The following MDGA2 variants were observed in gnomAD, a reference collection of about 807,000 sequenced individuals.
The protein encoded by MDGA2 is MAM domain containing glycosylphosphatidylinositol anchor 2.
A neutral mutation model predicts 117.8 loss-of-function variants in MDGA2; 40 were observed. The observed-to-expected ratio is 0.34, with a 90% CI of 0.26 to 0.44. MDGA2 has a LOEUF of 0.44. Ranked by LOEUF, MDGA2 falls within the 20% of genes least tolerant of loss-of-function variation. The probability of loss-of-function intolerance (pLI) is 1.00; values close to 1 mark genes in which losing one functional copy is unlikely to be tolerated. For synonymous variants in MDGA2, 452 were observed against 439.0 expected (o/e 1.03, Z -0.37); for missense variants, 1,123 against 1,250.6 (o/e 0.90, Z 1.54).
intron 6 of MDGA2, among the ~76,000 whole-genome samples, chr14:47,083,366 A>G (rs1169539677): frequency 6.6e-6 from 1 of 151,958 alleles, no homozygotes; most frequent in Non-Finnish European, 1.5e-5. Context: ...AAGCTATATA[A>G]AAACATACAC....
intron 1 of MDGA2, among the ~76,000 whole-genome samples, chr14:47,485,660 G>A (rs1894045365): frequency 6.6e-6 from 1 of 152,142 alleles, no homozygotes; most frequent in South Asian, 2.1e-4. Flanking sequence ...GGTTTCTTGG[G>A]CTGGGCTCAG....
At chr14:47,431,917 A>T (rs920785084) in intron 1 of MDGA2, among the ~76,000 whole-genome samples, 9 of 152,032 alleles carry the variant, frequency 5.9e-5, no homozygotes, top group Non-Finnish European at 1.3e-4. Flanking sequence ...GACTACAAGC[A>T]CTCTTTATTT....
intron 8 of MDGA2, among the ~76,000 whole-genome samples, chr14:46,994,501 A>C (rs540993925): frequency 2.5e-4 from 24 of 97,676 alleles, no homozygotes; most frequent in African/African-American, 8.5e-4. Context: ...AAAGGCAAAC[A>C]TGCACACATA....
chr14:46,902,386 C>T (rs546208869), intron 10 of MDGA2, among the ~76,000 whole-genome samples: 3 of 152,280 alleles, frequency 2.0e-5, no homozygotes, highest in Non-Finnish European at 4.4e-5. Context: ...TGTTCCCTCC[C>T]TCCCTCACTA....
intron 3 of MDGA2, among the ~76,000 whole-genome samples, chr14:47,193,944 C>T (rs1885200010): frequency 1.3e-5 from 2 of 152,116 alleles, no homozygotes; most frequent in Non-Finnish European, 2.9e-5. Flanking sequence ...GTCAGACTTA[C>T]CTCTTTAGCT....
At chr14:46,920,447 G>C (rs868844532) in intron 9 of MDGA2, among the ~76,000 whole-genome samples, 2 of 152,284 alleles carry the variant, frequency 1.3e-5, no homozygotes, top group African/African-American at 4.8e-5. Flanking sequence ...TCTGGAGAAA[G>C]AAGATCAAAG....
chr14:47,355,628 C>T (rs1262331607), intron 1 of MDGA2, among the ~76,000 whole-genome samples: 4 of 152,018 alleles, frequency 2.6e-5, no homozygotes, highest in Non-Finnish European at 5.9e-5. Flanking sequence ...TGCTCCCAAT[C>T]CTAGAGAGCC....
intron 1 of MDGA2, among the ~76,000 whole-genome samples, chr14:47,568,931 T>A (rs1255393849): frequency 6.6e-6 from 1 of 151,834 alleles, no homozygotes; most frequent in Non-Finnish European, 1.5e-5. Flanking sequence ...CCTCACATCT[T>A]ACTAAAACAT....
intron 1 of MDGA2, among the ~76,000 whole-genome samples, chr14:47,396,611 G>A (rs150944492): frequency 0.01 from 1,580 of 152,200 alleles, 17 homozygotes; most frequent in Non-Finnish European, 0.018. Flanking sequence ...TTAATATCCA[G>A]AATCTACAAA....
At chr14:47,070,033 T>C (rs1316343889) in intron 6 of MDGA2, among the ~76,000 whole-genome samples, 1 of 151,952 alleles carries the variant, frequency 6.6e-6, no homozygotes, top group Non-Finnish European at 1.5e-5. Flanking sequence ...GGGGTGGGGT[T>C]ATCCATCCCT....
At chr14:47,622,894 G>A (rs1897075700) in intron 1 of MDGA2, among the ~76,000 whole-genome samples, 1 of 152,194 alleles carries the variant, frequency 6.6e-6, no homozygotes, top group African/African-American at 2.4e-5. Context: ...AATTGTGGAT[G>A]TTGACCAGGG....
chr14:47,114,566 A>C (rs556168965), intron 5 of MDGA2, among the ~76,000 whole-genome samples: 1 of 152,264 alleles, frequency 6.6e-6, no homozygotes, highest in South Asian at 2.1e-4. Flanking sequence ...AGTGGTACAA[A>C]ACAGACACAT....
chr14:47,252,385 T>A (rs79498237), intron 2 of MDGA2, among the ~76,000 whole-genome samples: 2 of 152,182 alleles, frequency 1.3e-5, no homozygotes, highest in Non-Finnish European at 2.9e-5. Flanking sequence ...AATATAATCA[T>A]AATACACACA....
Position 46,903,098 on chromosome 14 carries a change from G to C in MDGA2, c.2238+16914C>G, listed in dbSNP as rs541213400. Among the ~76,000 whole-genome samples, 5 of 152,246 alleles carry C rather than the reference G, an allele frequency of 3.3e-5. No individual in the cohort carries two copies. In the South Asian group the frequency reaches 1.0e-3, roughly 32 times the overall value. On this transcript the variant is annotated intron_variant, in intron 10 of 16. Transcript: ENST00000399232. ...GTTATTCAATCTGTGAGGTGGGAGC[G>C]CTGGCAGGAATCCTTCTCATTTTGC... is the stretch of plus-strand genomic sequence containing the variant.
intron 3 of MDGA2, among the ~76,000 whole-genome samples, chr14:47,149,723 G>C (rs1213259386): frequency 2.6e-5 from 4 of 152,156 alleles, no homozygotes; most frequent in Non-Finnish European, 5.9e-5. Flanking sequence ...AGCCATCCTA[G>C]CAGTGTATAA....
chr14:47,555,075 A>C (rs1895657963), intron 1 of MDGA2, among the ~76,000 whole-genome samples: 1 of 152,154 alleles, frequency 6.6e-6, no homozygotes, highest in African/African-American at 2.4e-5. Context: ...TCAAAGTACA[A>C]GCTGGCAACA....
intron 2 of MDGA2, among the ~76,000 whole-genome samples, chr14:47,285,481 C>G (rs764503093): frequency 2.4e-4 from 37 of 152,118 alleles, no homozygotes; most frequent in African/African-American, 8.4e-4. Context: ...TGAATATGTT[C>G]CAATGACTTG....
At chr14:46,867,381 G>C (rs1448972112) in intron 14 of MDGA2, among the ~76,000 whole-genome samples, 1 of 152,032 alleles carries the variant, frequency 6.6e-6, no homozygotes, top group African/African-American at 2.4e-5. Flanking sequence ...ATCACACTCT[G>C]GGGACTGTTG....
At chr14:46,993,441 CTTTTT>C (rs763046593) in intron 8 of MDGA2, among the ~76,000 whole-genome samples, 15 of 147,086 alleles carry the variant, frequency 1.0e-4, no homozygotes, top group South Asian at 6.4e-4. Context: ...AAAATTATCA[CTTTTT>C]TTCTATTTTT....
Sources: allele counts gnomAD v4.1 joint callset (sites outside exome capture counted in the v4.1 genomes callset), GRCh38; gene constraint gnomAD v4.1.1; transcripts MANE v1.5; gene names NCBI Gene and HGNC (gene_info 2026-07-23, HGNC 2026-07-21).